Variants in SLC22A14 observed in about 807,000 individuals in gnomAD.
SLC22A14 encodes solute carrier family 22 member 14, also known as organic cation transporter-like 4.
In SLC22A14, 50 loss-of-function variants were observed where a neutral mutation model predicts 53.9. That is an observed-to-expected ratio of 0.93 (90% CI 0.74 to 1.17). The LOEUF is 1.17. SLC22A14 is among the 50% of genes most tolerant of loss of function. The pLI is 0.00. For missense variants in SLC22A14, 671 were observed against 734.7 expected (o/e 0.91, Z 1.00); for synonymous variants, 312 against 303.0 (o/e 1.03, Z -0.31).
intron 6 of SLC22A14, 78 bp downstream of exon 6, chr3:38,313,197 G>A: frequency 6.4e-6 from 10 of 1,574,666 alleles, no homozygotes; most frequent in East Asian, 4.6e-5. Context: ...CCTTTCAGGT[G>A]GGACATTGGT....
intron 1 of SLC22A14, among the ~76,000 whole-genome samples, chr3:38,304,820 G>C (rs919137379): frequency 6.6e-6 from 1 of 152,108 alleles, no homozygotes; most frequent in Non-Finnish European, 1.5e-5. Context: ...CTGGATCTAA[G>C]AATTTGTTTT....
At chr3:38,288,909 G>C (rs912597077) in intron 1 of SLC22A14, among the ~76,000 whole-genome samples, 4 of 152,078 alleles carry the variant, frequency 2.6e-5, no homozygotes, top group African/African-American at 9.7e-5. Context: ...ACTGGGCACA[G>C]TGGCTCATAC....
At chr3:38,301,358 A>G (rs1396520290) in intron 1 of SLC22A14, among the ~76,000 whole-genome samples, 3 of 152,242 alleles carry the variant, frequency 2.0e-5, no homozygotes, top group African/African-American at 7.2e-5. Flanking sequence ...AGCCTCATCA[A>G]CAAAATGTGC....
At chr3:38,314,983 G>C (rs566670393) in intron 8 of SLC22A14, among the ~76,000 whole-genome samples, 1 of 152,336 alleles carries the variant, frequency 6.6e-6, no homozygotes, top group Non-Finnish European at 1.5e-5. Flanking sequence ...GAGGCTGACA[G>C]GCAGGCAGGC....
intron 1 of SLC22A14, among the ~76,000 whole-genome samples, chr3:38,302,719 C>A (rs185603905): frequency 6.6e-6 from 1 of 152,154 alleles, no homozygotes; most frequent in Admixed American, 6.5e-5. Context: ...ATTTGATTTA[C>A]TAACATTGTA....
intron 1 of SLC22A14, among the ~76,000 whole-genome samples, chr3:38,292,452 C>T (rs909761436): frequency 4.6e-5 from 7 of 152,104 alleles, no homozygotes; most frequent in Non-Finnish European, 7.4e-5. Context: ...GGGACAACAG[C>T]CTCATTGATA....
At chr3:38,284,756 TAAAA>T (rs58028334) in intron 1 of SLC22A14, among the ~76,000 whole-genome samples, 5 of 145,458 alleles carry the variant, frequency 3.4e-5, no homozygotes, top group African/African-American at 1.3e-4. Flanking sequence ...CCCACAAAAT[TAAAA>T]AAAAAAAATC....
intron 5 of SLC22A14, among the ~76,000 whole-genome samples, chr3:38,310,196 C>A (rs818813): frequency 0.85 from 129,180 of 152,030 alleles, 54,950 homozygotes; most frequent in Non-Finnish European, 0.88. Context: ...TGGGCAACAT[C>A]GCAAGACCCT....
At chr3:38,295,596 A>G (rs58718318) in intron 1 of SLC22A14, among the ~76,000 whole-genome samples, 22,810 of 152,018 alleles carry the variant, frequency 0.15, 1,910 homozygotes, top group Non-Finnish European at 0.19. Flanking sequence ...TTCAATTATC[A>G]ATTTTAGGTT....
chr3:38,307,779 G>A lies in SLC22A14; in HGVS notation c.775+59G>A, dbSNP rs1324128638. ...GGCACAGGGGCATGGCGGCATAGGC[G>A]GGTGACAAGGGGACATAGTGGCAGG... On this transcript the variant is annotated intron_variant, in intron 4 of 10. Coordinates refer to ENST00000448498, the MANE Select transcript of SLC22A14 (RefSeq NM_001320033.2). This position sits in a 1 kb window ranked among gnomAD's most constrained non-coding sequence, Gnocchi z 4.4. 1.8e-5 allele frequency: 28 copies of A among 1,577,966 alleles called. No individual in the cohort carries two copies. Among genetic ancestry groups the A allele is most frequent in the South Asian group, 4.5e-5 (4 of 88,136 alleles).
intron 1 of SLC22A14, among the ~76,000 whole-genome samples, chr3:38,295,410 A>G (rs906381505): frequency 1.3e-5 from 2 of 152,228 alleles, no homozygotes; most frequent in African/African-American, 4.8e-5. Flanking sequence ...TTCTGTTAGC[A>G]AAGCAGTTGC....
intron 1 of SLC22A14, among the ~76,000 whole-genome samples, chr3:38,298,868 A>G (rs1357060392): frequency 1.3e-5 from 2 of 152,088 alleles, no homozygotes; most frequent in African/African-American, 2.4e-5. Flanking sequence ...CCTGTCCTTT[A>G]TTGTAACTCC....
rs1295872551 is a variant in SLC22A14, at chr3:38,307,380, T to G, written c.620+23T>G. ...CAAGTGAGTCCCCGGGAGTTTCTGC[T>G]GGTCCCCGAGCCATCCCAACTCCTC... On this transcript the variant is annotated intron_variant, in intron 3 of 10. Coordinates refer to ENST00000448498, the MANE Select transcript of SLC22A14 (RefSeq NM_001320033.2). The surrounding 1 kb of genome is among the most constrained non-coding windows in gnomAD (Gnocchi z 4.4). 1 of 1,590,926 alleles carries G rather than the reference T, an allele frequency of 6.3e-7. No homozygotes were observed. The highest frequency in any genetic ancestry group is 1.7e-5 in the Admixed American group (1 of 59,978).
rs767398955 is a variant in SLC22A14 at position 38,308,127 on chromosome 3, C to CAA, written c.775+408_775+409dup. ...AAGAAAGGCCAGGCAAAAGAAAAAA[C>CAA]AACAAAAAACAGAAGAAGAAGGAGG... On this transcript the variant is annotated intron_variant, in intron 4 of 10. Coordinates refer to ENST00000448498, the MANE Select transcript of SLC22A14 (RefSeq NM_001320033.2). The CAA allele has an allele frequency of 2.9e-3, 425 of 146,636 alleles. 5 individuals are homozygous for CAA. Among genetic ancestry groups the CAA allele is most frequent in the Non-Finnish European group, 4.5e-3 (307 of 68,012 alleles). 9.1% of individuals were successfully genotyped at this position (146,636 alleles called of 1,614,324 possible).
chr3:38,299,928 G>T (rs551869007), intron 1 of SLC22A14, among the ~76,000 whole-genome samples: 16 of 152,226 alleles, frequency 1.1e-4, no homozygotes, highest in African/African-American at 3.4e-4. Context: ...GGATATTTAG[G>T]TTTTTTCCCA....
At position 38,302,310 on chromosome 3, in the gene SLC22A14, T is replaced by TTA. The variant is rs1374175032; in HGVS notation, c.1-3708_1-3707dup. On this transcript the variant is annotated intron_variant, in intron 1 of 10. Coordinates refer to ENST00000448498, the MANE Select transcript of SLC22A14 (RefSeq NM_001320033.2). ...TATATTTATATATACACATATATAT[T>TTA]TATATATATACATATATATTTATAT... 3.8e-3 allele frequency among the ~76,000 whole-genome samples: 548 copies of TTA among 144,790 alleles called. 5 individuals are homozygous for TTA. Among genetic ancestry groups the TTA allele is most frequent in the African/African-American group, 0.013 (530 of 39,410 alleles). 95.0% of individuals were successfully genotyped at this position (144,790 alleles called of 152,430 possible).
chr3:38,313,685 T>TGTGTGTGTGTGTGC, intron 7 of SLC22A14, 42 bp from the exon 8 acceptor site: 2 of 901,916 alleles, frequency 2.2e-6, no homozygotes, highest in Admixed American at 2.0e-5. Context: ...TCCGTGTGTG[T>TGTGTGTGTGTGTGC]GCGCGCGTGT....
Position 38,307,931 on chromosome 3 carries a change from G to C in SLC22A14, c.775+211G>C. On this transcript the variant is annotated intron_variant, in intron 4 of 10. Coordinates refer to ENST00000448498, the MANE Select transcript of SLC22A14 (RefSeq NM_001320033.2). This position sits in a 1 kb window ranked among gnomAD's most constrained non-coding sequence, Gnocchi z 4.4. ...ACAGAGTCAGGGGCCTAATTGGACA[G>C]GCAGAAGTGGAAGGGATCTCCGTTC... The C allele has an allele frequency of 1.7e-6, 1 of 587,286 alleles. No individual in the cohort carries two copies. The highest frequency in any genetic ancestry group is 2.9e-5 in the East Asian group (1 of 34,708). 36.4% of individuals were successfully genotyped at this position (587,286 alleles called of 1,614,324 possible).
intron 6 of SLC22A14, 40 bp from the exon 7 acceptor site, chr3:38,313,348 G>T (rs72867262): frequency 0.15 from 231,299 of 1,519,176 alleles, 18,694 homozygotes; most frequent in Non-Finnish European, 0.16. Flanking sequence ...GCAAGCTGGG[G>T]TCTTGGCCCT....
Sources: allele counts gnomAD v4.1 joint callset (sites outside exome capture counted in the v4.1 genomes callset), GRCh38; gene constraint gnomAD v4.1.1; non-coding constraint Gnocchi (gnomAD v3.1); transcripts MANE v1.5; gene names NCBI Gene and HGNC (gene_info 2026-07-23, HGNC 2026-07-21).